KATNIP: variants seen among roughly 807,000 people sequenced by gnomAD.
KATNIP encodes the protein katanin interacting protein.
A neutral mutation model predicts 174.0 loss-of-function variants in KATNIP; 126 were observed. The observed-to-expected ratio is 0.72, with a 90% CI of 0.63 to 0.84. The LOEUF is 0.84. KATNIP is among the 40% of genes least tolerant of loss of function. KATNIP has a pLI of 0.00. For missense variants in KATNIP, 1,958 were observed against 2,109.7 expected (o/e 0.93, Z 1.41); for synonymous variants, 810 against 835.7 (o/e 0.97, Z 0.53).
intron 1 of KATNIP, among the ~76,000 whole-genome samples, chr16:27,555,813 G>A (rs2089598217): frequency 6.8e-6 from 1 of 146,718 alleles, no homozygotes; most frequent in Admixed American, 6.9e-5. Context: ...TCCAGCCTGG[G>A]CAACAAGAGC....
intron 5 of KATNIP, among the ~76,000 whole-genome samples, chr16:27,639,396 T>C (rs1158121847): frequency 6.6e-6 from 1 of 152,228 alleles, no homozygotes. Context: ...TGCTGCTATC[T>C]GTGGATTAAG....
At chr16:27,763,912 C>G (rs1397647815) in intron 19 of KATNIP, among the ~76,000 whole-genome samples, 2 of 152,222 alleles carry the variant, frequency 1.3e-5, no homozygotes, top group South Asian at 4.1e-4. Context: ...GCTCCTTGCT[C>G]CCCTGTATTT....
chr16:27,750,875 G>A (rs2081491890), intron 16 of KATNIP, among the ~76,000 whole-genome samples: 1 of 151,052 alleles, frequency 6.6e-6, no homozygotes, highest in East Asian at 2.0e-4. Flanking sequence ...GACTACAGGT[G>A]CACCAACCCA....
At chr16:27,663,629 T>G (rs1309089102) in intron 6 of KATNIP, among the ~76,000 whole-genome samples, 3 of 151,094 alleles carry the variant, frequency 2.0e-5, no homozygotes, top group African/African-American at 7.3e-5. Flanking sequence ...TTTTTTTTTT[T>G]TGTATTTTTT....
intron 2 of KATNIP, among the ~76,000 whole-genome samples, chr16:27,597,431 T>TTTA: frequency 1.2e-5 from 1 of 82,390 alleles, no homozygotes; most frequent in Non-Finnish European, 2.3e-5. Flanking sequence ...TTTTTTTTTT[T>TTTA]ACCAGAAATG....
At chr16:27,756,568 GT>G (rs1486829674) in intron 18 of KATNIP, among the ~76,000 whole-genome samples, 1 of 152,184 alleles carries the variant, frequency 6.6e-6, no homozygotes, top group Non-Finnish European at 1.5e-5. Context: ...TTGCCTTAGG[GT>G]TGCCACTGGG....
intron 8 of KATNIP, among the ~76,000 whole-genome samples, chr16:27,692,841 G>A (rs1416857207): frequency 6.6e-6 from 1 of 152,212 alleles, no homozygotes; most frequent in Non-Finnish European, 1.5e-5. Context: ...ACCAAGAGCA[G>A]CATCTCACTC....
At position 27,761,475 on chromosome 16, in the gene KATNIP, G is replaced by T. The variant is rs764107381; in HGVS notation, c.3694G>T (p.Glu1232Ter). 4 of 1,613,992 alleles carry T rather than the reference G, an allele frequency of 2.5e-6. No individual in the cohort carries two copies. Among genetic ancestry groups the T allele is most frequent in the Non-Finnish European group, 3.4e-6 (4 of 1,180,038 alleles). ...DLHYLGLTGL[E>*]VVGKEGQALP... The stretch of plus-strand genomic sequence containing the variant: ...GCACTACCTGGGGCTCACTGGCCTG[G>T]AAGTGGTGGGCAAGGAGGGCCAGGC... The change falls in exon 19 of 28, where the codon GAA (glutamate) becomes TAA (stop). Residue 1232 changes from glutamate (E) to a stop codon, truncating the protein, a stop_gained. Transcript: ENST00000261588. LOFTEE classifies it high-confidence loss of function.
chr16:27,655,370 G>T (rs1353436305), intron 6 of KATNIP, among the ~76,000 whole-genome samples: 1 of 150,260 alleles, frequency 6.7e-6, no homozygotes, highest in Non-Finnish European at 1.5e-5. Context: ...AGTAGCTGGG[G>T]TTACAGGTAC....
intron 8 of KATNIP, among the ~76,000 whole-genome samples, chr16:27,696,355 T>G (rs900351816): frequency 1.3e-5 from 2 of 152,234 alleles, no homozygotes; most frequent in African/African-American, 4.8e-5. Flanking sequence ...TTTTTTTAAC[T>G]TTGAGTTTCA....
intron 14 of KATNIP, among the ~76,000 whole-genome samples, chr16:27,730,160 C>G (rs987942026): frequency 6.6e-6 from 1 of 152,238 alleles, no homozygotes; most frequent in Non-Finnish European, 1.5e-5. Flanking sequence ...GTCACAGCCT[C>G]CCAGAGCATC....
rs35825329 is a variant in KATNIP at position 27,716,851 on chromosome 16, A to ATT, written c.1606-4697_1606-4696dup. 1.2e-3 allele frequency among the ~76,000 whole-genome samples: 182 copies of ATT among 148,436 alleles called. 2 individuals are homozygous for ATT. The highest frequency in any genetic ancestry group is 4.2e-3 in the African/African-American group (169 of 40,620). Reference sequence around the variant, plus strand: ...AATGGAATCATACCATTTACGTAGCATTTTTTTTTTTGAGACGAAGTCTCA... The same window carrying ATT: ...AATGGAATCATACCATTTACGTAGCATTTTTTTTTTTTTGAGACGAAGTCTCA... On this transcript the variant is annotated intron_variant, in intron 13 of 27. Coordinates refer to ENST00000261588, the MANE Select transcript of KATNIP (RefSeq NM_015202.5).
chr16:27,617,542 C>T lies in KATNIP; in HGVS notation c.64-883C>T, dbSNP rs139841629. On this transcript the variant is annotated intron_variant, in intron 2 of 27. Transcript: ENST00000261588. ...ACAAAGTCACTTTCAAGGTCATCTACGGAAGCCAGTGAACTGCAAGAAGGG... is the reference window on the plus strand; with the variant it reads ...ACAAAGTCACTTTCAAGGTCATCTATGGAAGCCAGTGAACTGCAAGAAGGG... 2.0e-3 allele frequency among the ~76,000 whole-genome samples: 306 copies of T among 152,260 alleles called. 3 individuals are homozygous for T. Among genetic ancestry groups the T allele is most frequent in the African/African-American group, 6.5e-3 (269 of 41,534 alleles).
At chr16:27,632,334 T>TTCAGAGGG (rs2076515340) in intron 5 of KATNIP, 1 of 183,038 alleles carries the variant, frequency 5.5e-6, no homozygotes, top group South Asian at 7.8e-5. Context: ...CACTTTGAAG[T>TTCAGAGGG]TCAGAGGGAT....
Position 27,734,330 on chromosome 16 carries a change from C to A in KATNIP, c.1744-5711C>A, listed in dbSNP as rs1156459819. Among the ~76,000 whole-genome samples the A allele has an allele frequency of 2.0e-5, 3 of 151,444 alleles. No individual in the cohort carries two copies. The East Asian group carries it at 5.9e-4, about 30-fold the overall frequency. On this transcript the variant is annotated intron_variant, in intron 14 of 27. Transcript: ENST00000261588. ...ATTCCTGACCTCGTGATCCACCTGC[C>A]TCAGCCTCCCAAAGTGTTGGGATTA... is the stretch of plus-strand genomic sequence containing the variant.
intron 1 of KATNIP, among the ~76,000 whole-genome samples, chr16:27,552,113 C>G (rs993812415): frequency 6.6e-6 from 1 of 152,088 alleles, no homozygotes; most frequent in Non-Finnish European, 1.5e-5. Context: ...TTACATTTGC[C>G]TCCAAAAAAT....
At chr16:27,698,242 A>G (rs2078982330) in intron 8 of KATNIP, 86 bp from the exon 9 acceptor site, 2 of 1,341,682 alleles carry the variant, frequency 1.5e-6, no homozygotes, top group Non-Finnish European at 1.0e-6. Flanking sequence ...GTTTTATAGA[A>G]TGTTCCTCAA....
intron 13 of KATNIP, among the ~76,000 whole-genome samples, chr16:27,721,255 G>A (rs537408796): frequency 2.0e-5 from 3 of 152,170 alleles, no homozygotes; most frequent in African/African-American, 2.4e-5. Context: ...CCTCAAAGCC[G>A]ATTAAGTTGA....
intron 2 of KATNIP, among the ~76,000 whole-genome samples, chr16:27,578,175 A>C (rs1358693633): frequency 6.6e-6 from 1 of 152,084 alleles, no homozygotes; most frequent in Non-Finnish European, 1.5e-5. Flanking sequence ...AGACTCTGGC[A>C]TACAAAAATT....
Sources: allele counts gnomAD v4.1 joint callset (sites outside exome capture counted in the v4.1 genomes callset), GRCh38; gene constraint gnomAD v4.1.1; transcripts MANE v1.5; gene names NCBI Gene and HGNC (gene_info 2026-07-23, HGNC 2026-07-21).